Variants in CYLC1 observed in about 807,000 individuals in gnomAD.
The protein encoded by CYLC1 is cylicin 1.
A neutral mutation model predicts 31.6 loss-of-function variants in CYLC1; 2 were observed. That is an observed-to-expected ratio of 0.06 (90% CI 0.03 to 0.20). CYLC1 has a LOEUF of 0.20. Ranked by LOEUF, CYLC1 falls within the 10% of genes least tolerant of loss-of-function variation. The pLI is 1.00. For missense variants in CYLC1, 595 were observed against 424.1 expected, an observed-to-expected ratio of 1.40 and a Z score of -3.54; for synonymous variants, 185 against 153.0, an observed-to-expected ratio of 1.21 and a Z score of -1.54.
At chrX:83,878,545 A>T in intron 4 of CYLC1, among the ~76,000 whole-genome samples, 1 of 83,368 alleles carries the variant, frequency 1.2e-5, no homozygotes, top group East Asian at 3.6e-4. Context: ...TATATATGAA[A>T]ATATATATTT....
In CYLC1 at chrX:83,867,169, T is replaced by G. The variant is rs190537557; in HGVS notation, c.18-2696T>G. Among the ~76,000 whole-genome samples, 519 of 111,702 alleles carry G rather than the reference T, an allele frequency of 4.6e-3. 1 individual carries two copies. The highest frequency in any genetic ancestry group is 0.014 in the Middle Eastern group (3 of 218). On this transcript the variant is annotated intron_variant, in intron 1 of 4. Coordinates refer to ENST00000329312, the MANE Select transcript of CYLC1 (RefSeq NM_021118.3). Reference sequence around the variant, plus strand: ...TAAAATCCATATTTCATCAAGTCTTTTTATGATGATTTACGTATTCTCAAA... The same window carrying G: ...TAAAATCCATATTTCATCAAGTCTTGTTATGATGATTTACGTATTCTCAAA...
intron 1 of CYLC1, among the ~76,000 whole-genome samples, chrX:83,862,347 C>A (rs766699658): frequency 1.0e-5 from 1 of 98,830 alleles, no homozygotes; most frequent in East Asian, 3.2e-4. Flanking sequence ...CTGGCGAACA[C>A]GGTGAAACCC....
intron 1 of CYLC1, among the ~76,000 whole-genome samples, chrX:83,869,129 T>A (rs1281680785): frequency 4.5e-5 from 5 of 110,899 alleles, no homozygotes; most frequent in African/African-American, 6.5e-5. Flanking sequence ...GTATTTGCTA[T>A]TTTTTATTTG....
At position 83,873,046 on chromosome X, in the gene CYLC1, C is replaced by A; in HGVS notation, c.338C>A (p.Ala113Glu). The change falls in exon 4 of 5, where the codon GCA becomes GAA. Residue 113 changes from alanine (A) to glutamate (E), a missense_variant. By Grantham distance (107) the Ala-to-Glu change is moderately radical (BLOSUM62 -1). Transcript: ENST00000329312. ...ACTTCCAAAACCCATCTTAAAAAAG[C>A]AGAATATAAAAAGTCCAAAGATGAA... ...LYTSKTHLKKAEYKKSKDEKG... is the reference protein window; with the variant it reads ...LYTSKTHLKKEEYKKSKDEKG... The A allele has an allele frequency of 8.3e-7, 1 of 1,200,264 alleles. No individual in the cohort carries two copies. Among genetic ancestry groups the A allele is most frequent in the East Asian group, 3.0e-5 (1 of 33,595 alleles).
intron 4 of CYLC1, among the ~76,000 whole-genome samples, chrX:83,879,237 A>G (rs992802061): frequency 1.8e-5 from 2 of 110,491 alleles, no homozygotes; most frequent in Admixed American, 9.8e-5. Flanking sequence ...TTAGATCCTC[A>G]TGTCCACTTT....
chrX:83,884,221 G>GT (rs1433702677), intron 4 of CYLC1, among the ~76,000 whole-genome samples: 1 of 111,214 alleles, frequency 9.0e-6, no homozygotes, highest in Admixed American at 9.6e-5. Flanking sequence ...TTCACAACAA[G>GT]TTTTTTTTAG....
At chrX:83,884,677 A>G (rs1472238844) in intron 4 of CYLC1, among the ~76,000 whole-genome samples, 1 of 111,662 alleles carries the variant, frequency 9.0e-6, no homozygotes, top group Non-Finnish European at 1.9e-5. Context: ...GGTGGGAGGA[A>G]TTTCTGGTTT....
At chrX:83,876,138 TTAA>T (rs2031754766) in intron 4 of CYLC1, among the ~76,000 whole-genome samples, 1 of 110,808 alleles carries the variant, frequency 9.0e-6, no homozygotes, top group Admixed American at 9.8e-5. Context: ...TTCTCATATA[TTAA>T]TATTTTTTGG....
intron 4 of CYLC1, 144 bp downstream of exon 4, chrX:83,874,775 A>G (rs1602305192): frequency 2.2e-5 from 14 of 634,540 alleles, no homozygotes; most frequent in East Asian, 1.5e-4. Context: ...AAGAAAAATA[A>G]AGAATACCTC....
chrX:83,870,786 C>T (rs1242886299), intron 2 of CYLC1, among the ~76,000 whole-genome samples: 2 of 111,028 alleles, frequency 1.8e-5, no homozygotes, highest in Non-Finnish European at 3.8e-5. Context: ...TGTTGAGTTT[C>T]GTTACCAGTT....
chrX:83,883,995 A>G (rs1337970952), intron 4 of CYLC1, among the ~76,000 whole-genome samples: 1 of 111,689 alleles, frequency 9.0e-6, no homozygotes, highest in Non-Finnish European at 1.9e-5. Context: ...TTCAAAAATT[A>G]CCAACTAATT....
chrX:83,872,485 G>A (rs751765892), intron 3 of CYLC1, among the ~76,000 whole-genome samples: 2 of 110,249 alleles, frequency 1.8e-5, no homozygotes, highest in East Asian at 5.7e-4. Flanking sequence ...AAGTGGATCA[G>A]TTTATTTCTG....
At position 83,873,746 on chromosome X, in the gene CYLC1, T is replaced by C. The variant is rs781121259; in HGVS notation, c.1038T>C (p.Asp346=). The C allele has an allele frequency of 7.6e-6, 9 of 1,190,754 alleles. No homozygotes were observed. The highest frequency in any genetic ancestry group is 9.1e-6 in the Non-Finnish European group (8 of 883,634). Residue 346 remains aspartate (D), a synonymous_variant, in exon 4 of 5, where the codon GAT becomes GAC. Coordinates refer to ENST00000329312, the MANE Select transcript of CYLC1 (RefSeq NM_021118.3). ...GAGACTCAAAGGATGAAAGGAAAGATACAAAGAAGGATAAGAAAAAATTAA... is the reference window on the plus strand; with the variant it reads ...GAGACTCAAAGGATGAAAGGAAAGACACAAAGAAGGATAAGAAAAAATTAA... ...ESGDSKDERK[D]TKKDKKKLKK...
At chrX:83,879,999 G>A (rs753892323) in intron 4 of CYLC1, among the ~76,000 whole-genome samples, 2 of 111,484 alleles carry the variant, frequency 1.8e-5, no homozygotes, top group Non-Finnish European at 3.8e-5. Context: ...TCTTTTGAAT[G>A]TTTGTCGTGC....
chrX:83,869,755 C>A (rs1425101034), intron 1 of CYLC1, 110 bp from the exon 2 acceptor site: 3 of 326,592 alleles, frequency 9.2e-6, no homozygotes, highest in Non-Finnish European at 1.4e-5. Context: ...TTAAACATAG[C>A]ATTGGGCTTT....
intron 4 of CYLC1, among the ~76,000 whole-genome samples, chrX:83,879,536 G>C (rs962386968): frequency 7.2e-5 from 8 of 111,812 alleles, no homozygotes; most frequent in African/African-American, 2.3e-4. Context: ...AACACACACA[G>C]AATTTTGTGT....
intron 4 of CYLC1, among the ~76,000 whole-genome samples, chrX:83,878,262 T>G (rs867946865): frequency 1.4e-4 from 2 of 14,024 alleles, no homozygotes; most frequent in African/African-American, 6.5e-4. Context: ...AATATATATA[T>G]AAATATATAA....
chrX:83,869,745 T>C (rs1019675909), intron 1 of CYLC1, 120 bp from the exon 2 acceptor site: 1 of 306,505 alleles, frequency 3.3e-6, no homozygotes, highest in African/African-American at 2.8e-5. Context: ...AAATCACTGA[T>C]TAAACATAGC....
chrX:83,886,020 G>A (rs1214375824), intron 4 of CYLC1, among the ~76,000 whole-genome samples: 2 of 110,285 alleles, frequency 1.8e-5, no homozygotes, highest in Admixed American at 9.8e-5. Flanking sequence ...AAATACTATG[G>A]GATTGCAACT....
Sources: gnomAD v4.1 joint callset for allele counts (sites outside exome capture counted in the v4.1 genomes callset) on GRCh38, gnomAD v4.1.1 for gene constraint, MANE v1.5 for transcripts, NCBI Gene and HGNC (gene_info 2026-07-23, HGNC 2026-07-21) for gene names.